KBTBD3: variants seen among roughly 807,000 people sequenced by gnomAD.
KBTBD3 encodes kelch repeat and BTB domain containing 3, also known as kelch repeat and BTB domain-containing protein 3.
Under a neutral mutation model 49.6 loss-of-function variants are expected in KBTBD3, and 38 were observed. The observed-to-expected ratio is 0.77, with a 90% CI of 0.59 to 1.00. KBTBD3 has a LOEUF of 1.00. Among genes scored for constraint, KBTBD3 ranks in the 50% least tolerant of loss-of-function variants. The probability of loss-of-function intolerance (pLI) is 0.00; values close to 1 mark genes in which losing one functional copy is unlikely to be tolerated. For synonymous variants in KBTBD3, 214 were observed against 250.4 expected, an observed-to-expected ratio of 0.85 and a Z score of 1.37; for missense variants, 661 against 712.0, an observed-to-expected ratio of 0.93 and a Z score of 0.81.
In KBTBD3 at chr11:106,054,052, C is replaced by T. The variant is rs770944135; in HGVS notation, c.637G>A (p.Glu213Lys). 2.9e-5 allele frequency: 46 copies of T among 1,613,476 alleles called. No individual in the cohort carries two copies. Among genetic ancestry groups the T allele is most frequent in the Non-Finnish European group, 3.8e-5 (45 of 1,179,760 alleles). ...ESDELNVPEE[E>K]MVLKVVLSWT... ...CTAAGGACAACTTTCAGTACCATTT[C>T]TTCTTCAGGAACATTTAATTCATCT... The change falls in exon 4 of 4, where the codon GAA becomes AAA. Residue 213 changes from glutamate (E) to lysine (K), a missense_variant. Glu to Lys is a moderately conservative substitution (Grantham distance 56). Coordinates refer to ENST00000531837, the MANE Select transcript of KBTBD3 (RefSeq NM_198439.3).
intron 2 of KBTBD3, among the ~76,000 whole-genome samples, chr11:106,061,232 G>A (rs1860688190): frequency 1.3e-5 from 2 of 152,322 alleles, no homozygotes; most frequent in Admixed American, 1.3e-4. Context: ...CTAGATACTG[G>A]AGAAGTAGTC....
At chr11:106,060,558 A>G (rs1425147325) in intron 2 of KBTBD3, among the ~76,000 whole-genome samples, 1 of 152,202 alleles carries the variant, frequency 6.6e-6, no homozygotes, top group Non-Finnish European at 1.5e-5. Flanking sequence ...TCCCTATATA[A>G]TAAATGGCCC....
At chr11:106,067,559 C>G (rs373658630) in intron 2 of KBTBD3, among the ~76,000 whole-genome samples, 1 of 150,544 alleles carries the variant, frequency 6.6e-6, no homozygotes, top group African/African-American at 2.4e-5. Context: ...TGCAGTGAGC[C>G]GAGATCGTGC....
Position 106,053,539 on chromosome 11 carries a change from AG to A in KBTBD3, c.1149del (p.Phe384SerfsTer6). On this transcript the variant is annotated frameshift_variant, in exon 4 of 4. Coordinates refer to ENST00000531837, the MANE Select transcript of KBTBD3 (RefSeq NM_198439.3). LOFTEE classifies it high-confidence loss of function. ...GGTGTTTTCATAGTTGATACCAAGA[AG>A]AAATCATTTTTCACTGGACAGTAGC... ...TWCYCPVKND[F>X]FLVSTMKTPR... 1 of 1,613,836 alleles carries A rather than the reference AG, an allele frequency of 6.2e-7. No individual in the cohort carries two copies.
intron 2 of KBTBD3, among the ~76,000 whole-genome samples, chr11:106,068,055 A>T (rs537022161): frequency 0.03 from 4,634 of 152,164 alleles, 224 homozygotes; most frequent in African/African-American, 0.1. Context: ...GAAGACTAGC[A>T]GTCAAAAATA....
intron 1 of KBTBD3, among the ~76,000 whole-genome samples, chr11:106,077,047 A>G (rs1212505488): frequency 6.6e-6 from 1 of 152,110 alleles, no homozygotes; most frequent in Admixed American, 6.5e-5. Context: ...GCTGCTGCTA[A>G]GGGTCGGGAG....
At chr11:106,058,681 C>T (rs2135002561) in intron 3 of KBTBD3, 184 bp downstream of exon 3, 1 of 541,056 alleles carries the variant, frequency 1.8e-6, no homozygotes, top group Admixed American at 4.2e-5. Context: ...GCCTTGGCCT[C>T]TTAGGGTGTT....
intron 2 of KBTBD3, among the ~76,000 whole-genome samples, chr11:106,060,874 A>C (rs1480901849): frequency 6.6e-6 from 1 of 152,184 alleles, no homozygotes; most frequent in Non-Finnish European, 1.5e-5. Flanking sequence ...AATGGGAGAA[A>C]ATTTTTGCAA....
chr11:106,061,737 T>C (rs1205655096), intron 2 of KBTBD3, among the ~76,000 whole-genome samples: 1 of 151,984 alleles, frequency 6.6e-6, no homozygotes, highest in African/African-American at 2.4e-5. Flanking sequence ...TCAGCCTCCA[T>C]AATCACATGA....
chr11:106,067,211 C>T lies in KBTBD3; in HGVS notation c.-12-8102G>A, dbSNP rs1336991091. On this transcript the variant is annotated intron_variant, in intron 2 of 3. Transcript: ENST00000531837. ...CCCACCCAAGCCTGCAAAGGTACAA[C>T]GGAGAGCCTAGAATTTCACTAATGA... 2.6e-5 allele frequency among the ~76,000 whole-genome samples: 4 copies of T among 152,174 alleles called. No individual in the cohort carries two copies. The South Asian group carries it at 6.2e-4, about 24-fold the overall frequency.
chr11:106,071,156 A>G (rs7106786), intron 2 of KBTBD3, among the ~76,000 whole-genome samples: 13,692 of 152,172 alleles, frequency 0.09, 654 homozygotes, highest in Middle Eastern at 0.15. Flanking sequence ...CTTCTTGCTC[A>G]AAACATAGAA....
At chr11:106,065,384 T>A (rs753741334) in intron 2 of KBTBD3, among the ~76,000 whole-genome samples, 1 of 152,116 alleles carries the variant, frequency 6.6e-6, no homozygotes, top group Non-Finnish European at 1.5e-5. Context: ...CTGGTCTAGA[T>A]GGATTGAAAA....
intron 3 of KBTBD3, among the ~76,000 whole-genome samples, chr11:106,056,000 A>G (rs1308730081): frequency 6.6e-6 from 1 of 152,210 alleles, no homozygotes; most frequent in Non-Finnish European, 1.5e-5. Flanking sequence ...TGTATAAAAC[A>G]TGTGTGATTC....
chr11:106,070,288 T>A (rs1860893172), intron 2 of KBTBD3, among the ~76,000 whole-genome samples: 1 of 151,944 alleles, frequency 6.6e-6, no homozygotes, highest in Non-Finnish European at 1.5e-5. Context: ...TCTGTGAAAG[T>A]CCCTTTATTT....
In KBTBD3 at chr11:106,051,579, A is replaced by G. The variant is rs1860420048; in HGVS notation, c.*1271T>C. On this transcript the variant is annotated 3_prime_UTR_variant, in exon 4 of 4. Coordinates refer to ENST00000531837, the MANE Select transcript of KBTBD3 (RefSeq NM_198439.3). ...ATTTGGTTCCAGAGAAGTACAATCT[A>G]CACATTACCTGAGATGTAAAGCAGG... 6.6e-6 allele frequency: 1 copy of G among 151,930 alleles called. No homozygotes were observed. The highest frequency in any genetic ancestry group is 6.6e-5 in the Admixed American group (1 of 15,228). 9.4% of individuals were successfully genotyped at this position (151,930 alleles called of 1,614,324 possible).
intron 2 of KBTBD3, among the ~76,000 whole-genome samples, chr11:106,072,262 A>G (rs1319390550): frequency 2.6e-5 from 4 of 152,212 alleles, no homozygotes; most frequent in African/African-American, 9.6e-5. Context: ...TGAGTTGAAA[A>G]TCAATGAAAA....
At chr11:106,059,347 CTATA>C (rs1860634222) in intron 2 of KBTBD3, among the ~76,000 whole-genome samples, 1 of 152,062 alleles carries the variant, frequency 6.6e-6, no homozygotes, top group South Asian at 2.1e-4. Flanking sequence ...ACATTGAAGG[CTATA>C]TAATTGTGTT....
chr11:106,067,178 G>A (rs1860825510), intron 2 of KBTBD3, among the ~76,000 whole-genome samples: 2 of 152,102 alleles, frequency 1.3e-5, no homozygotes, highest in Admixed American at 1.3e-4. Context: ...AAAAATTCTG[G>A]CTCTATACCC....
At chr11:106,058,829 A>C in intron 3 of KBTBD3, 36 bp downstream of exon 3, 2 of 1,224,904 alleles carry the variant, frequency 1.6e-6, no homozygotes, top group Non-Finnish European at 2.3e-6. Flanking sequence ...TAATTATCCA[A>C]ATCATAAAAT....
Sources: gnomAD v4.1 joint callset for allele counts (sites outside exome capture counted in the v4.1 genomes callset) on GRCh38, gnomAD v4.1.1 for gene constraint, MANE v1.5 for transcripts, NCBI Gene and HGNC (gene_info 2026-07-23, HGNC 2026-07-21) for gene names.